The following PRKAR1B variants were observed in gnomAD, a reference collection of about 807,000 sequenced individuals.
PRKAR1B encodes cAMP-dependent protein kinase type I-beta regulatory subunit.
In PRKAR1B, 22 loss-of-function variants were observed where a neutral mutation model predicts 46.5. That is an observed-to-expected ratio of 0.47 (90% CI 0.34 to 0.68). The LOEUF is 0.68. PRKAR1B is among the 30% of genes least tolerant of loss of function. The pLI is 0.01. For synonymous variants in PRKAR1B, 259 were observed against 217.7 expected (o/e 1.19, Z -1.67); for missense variants, 445 against 535.6 (o/e 0.83, Z 1.67).
At chr7:621,511 G>A (rs969421262) in intron 4 of PRKAR1B, among the ~76,000 whole-genome samples, 1 of 152,214 alleles carries the variant, frequency 6.6e-6, no homozygotes, top group Non-Finnish European at 1.5e-5. Flanking sequence ...ACTTTGGAAG[G>A]AGCATGACCA....
intron 4 of PRKAR1B, among the ~76,000 whole-genome samples, chr7:625,546 G>A (rs1783339982): frequency 6.6e-6 from 1 of 152,134 alleles, no homozygotes; most frequent in African/African-American, 2.4e-5. Flanking sequence ...AGGTCCCATG[G>A]ACAAGGGGCA....
rs1195037704 is a variant in PRKAR1B at position 727,200 on chromosome 7, C to G, written c.-23+10G>C. 2 of 1,346,368 alleles carry G rather than the reference C, an allele frequency of 1.5e-6. No homozygotes were observed. The highest frequency in any genetic ancestry group is 3.4e-5 in the South Asian group (2 of 59,164). The allele number at this position is 1,346,368 out of a possible 1,614,324, so 83.4% of individuals were successfully genotyped here. On this transcript the variant is annotated intron_variant, in intron 1 of 10. Transcript: ENST00000537384. ...CCGTGGACCTGTGCGGCGCCGCGCTCGCGCCCCACCTGGACGACGCTCTGC... is the reference window on the plus strand; with the variant it reads ...CCGTGGACCTGTGCGGCGCCGCGCTGGCGCCCCACCTGGACGACGCTCTGC...
At chr7:650,250 C>G (rs567968364) in intron 4 of PRKAR1B, among the ~76,000 whole-genome samples, 1 of 152,280 alleles carries the variant, frequency 6.6e-6, no homozygotes, top group East Asian at 1.9e-4. Context: ...AATGGCAGTT[C>G]TGAGAATGCA....
At chr7:599,624 C>T (rs777970716) in intron 6 of PRKAR1B, among the ~76,000 whole-genome samples, 7 of 152,354 alleles carry the variant, frequency 4.6e-5, no homozygotes, top group East Asian at 1.9e-4. Flanking sequence ...GGGGGTCCCC[C>T]GCGGGGCAGC....
intron 6 of PRKAR1B, among the ~76,000 whole-genome samples, chr7:599,221 C>T (rs1781452382): frequency 6.6e-6 from 1 of 152,236 alleles, no homozygotes; most frequent in African/African-American, 2.4e-5. Flanking sequence ...ACTGTCACCA[C>T]TCCCGGCGCA....
intron 9 of PRKAR1B, among the ~76,000 whole-genome samples, chr7:568,052 C>A (rs113579515): frequency 6.6e-6 from 1 of 152,192 alleles, no homozygotes; most frequent in Non-Finnish European, 1.5e-5. Flanking sequence ...TATTTTATCA[C>A]AATTTTTAAA....
intron 6 of PRKAR1B, among the ~76,000 whole-genome samples, chr7:598,153 C>G (rs1781373023): frequency 6.6e-6 from 1 of 151,688 alleles, no homozygotes; most frequent in African/African-American, 2.4e-5. Context: ...CACCATCACC[C>G]TCCAGCACCC....
intron 4 of PRKAR1B, among the ~76,000 whole-genome samples, chr7:629,355 C>T (rs578069845): frequency 1.4e-4 from 20 of 145,606 alleles, no homozygotes; most frequent in African/African-American, 5.1e-4. Context: ...ACCACCACCC[C>T]AAGGCTGGAA....
intron 9 of PRKAR1B, among the ~76,000 whole-genome samples, chr7:573,518 T>C (rs1012902789): frequency 2.6e-5 from 4 of 152,014 alleles, no homozygotes; most frequent in African/African-American, 9.7e-5. Context: ...GCACCCCTCC[T>C]GGGGACTCTG....
chr7:562,669 G>C (rs1778876201), intron 9 of PRKAR1B, among the ~76,000 whole-genome samples: 1 of 152,208 alleles, frequency 6.6e-6, no homozygotes, highest in Non-Finnish European at 1.5e-5. Flanking sequence ...TCCAGAAAGA[G>C]CTCTTAAAGG....
chr7:689,473 A>T (rs1180258186), intron 2 of PRKAR1B, among the ~76,000 whole-genome samples: 1 of 152,136 alleles, frequency 6.6e-6, no homozygotes, highest in African/African-American at 2.4e-5. Flanking sequence ...AATAATAAAC[A>T]AAAAAATTAT....
At chr7:612,245 C>G (rs62431453) in intron 4 of PRKAR1B, among the ~76,000 whole-genome samples, 1 of 23,556 alleles carries the variant, frequency 4.2e-5, no homozygotes, top group South Asian at 2.5e-3. Flanking sequence ...GGTGGATGAA[C>G]AGGTGGGTGA....
At chr7:660,279 C>G (rs1011275930) in intron 4 of PRKAR1B, among the ~76,000 whole-genome samples, 1 of 152,012 alleles carries the variant, frequency 6.6e-6, no homozygotes, top group Non-Finnish European at 1.5e-5. Flanking sequence ...TCTACCATAG[C>G]TCAATGGGGC....
chr7:636,339 G>GA lies in PRKAR1B; in HGVS notation c.441-28888_441-28887insT, dbSNP rs561879198. Among the ~76,000 whole-genome samples, 7 of 12,838 alleles carry GA rather than the reference G, an allele frequency of 5.5e-4. 2 individuals are homozygous for GA. The highest frequency in any genetic ancestry group is 4.5e-4 in the Non-Finnish European group (3 of 6,600). The allele number at this position is 12,838 out of a possible 152,430, so 8.4% of individuals were successfully genotyped here. A position where few individuals can be genotyped will look rare whatever the true frequency, so the allele number is the denominator to read the frequency against. ...GGCCGCGCCCACACGTCCTCCACCG[G>GA]CCGCGCCCACACGTCCTCCACCGGC... On this transcript the variant is annotated intron_variant, in intron 4 of 10. Transcript: ENST00000537384.
At chr7:588,510 ATCACGATGATGG>A (rs1780735178) in intron 7 of PRKAR1B, among the ~76,000 whole-genome samples, 5 of 131,826 alleles carry the variant, frequency 3.8e-5, no homozygotes, top group African/African-American at 1.5e-4. Context: ...GACAGTGGTG[ATCACGATGATGG>A]TGGTGACGGT....
At chr7:601,426 A>G (rs1476102962) in intron 6 of PRKAR1B, among the ~76,000 whole-genome samples, 1 of 152,238 alleles carries the variant, frequency 6.6e-6, no homozygotes, top group Non-Finnish European at 1.5e-5. Context: ...AACAGTAATT[A>G]TTATAATACA....
Position 645,595 on chromosome 7 carries a change from G to C in PRKAR1B, c.440+31634C>G, listed in dbSNP as rs959422165. 9.9e-5 allele frequency among the ~76,000 whole-genome samples: 15 copies of C among 152,274 alleles called. No individual in the cohort carries two copies. In the South Asian group the frequency reaches 2.5e-3, roughly 25 times the overall value. On this transcript the variant is annotated intron_variant, in intron 4 of 10. Transcript: ENST00000537384. Reference sequence around the variant, plus strand: ...CAAGCCTGGGAGGTCAAGACTCAAAGCCAGTCCCACAGCCGTCACGGACAG... The same window carrying C: ...CAAGCCTGGGAGGTCAAGACTCAAACCCAGTCCCACAGCCGTCACGGACAG...
rs1784531449 is a variant in PRKAR1B, at chr7:644,407, G to T, written c.440+32822C>A. Among the ~76,000 whole-genome samples, 2 of 152,156 alleles carry T rather than the reference G, an allele frequency of 1.3e-5. No individual in the cohort carries two copies. Among genetic ancestry groups the T allele is most frequent in the African/African-American group, 4.8e-5 (2 of 41,448 alleles). On this transcript the variant is annotated intron_variant, in intron 4 of 10. Transcript: ENST00000537384. The surrounding 1 kb of genome is among the most constrained non-coding windows in gnomAD (Gnocchi z 4.9). The stretch of plus-strand genomic sequence containing the variant: ...GGAACGGGGTTTTGCTCCTCCTTGG[G>T]TGTGCAGAGGCTGAGGGGGGTCTCC...
intron 9 of PRKAR1B, among the ~76,000 whole-genome samples, chr7:574,188 A>G (rs1779694269): frequency 2.0e-5 from 3 of 152,218 alleles, no homozygotes; most frequent in African/African-American, 7.2e-5. Context: ...ATAATGGGTG[A>G]TTGTCTGAAT....
Sources: gnomAD v4.1 joint callset for allele counts (sites outside exome capture counted in the v4.1 genomes callset) on GRCh38, gnomAD v4.1.1 for gene constraint, Gnocchi (gnomAD v3.1) non-coding constraint, MANE v1.5 for transcripts, NCBI Gene and HGNC (gene_info 2026-07-23, HGNC 2026-07-21) for gene names.